UMAD1: variants seen among roughly 807,000 people sequenced by gnomAD.
The protein encoded by UMAD1 is UBAP1-MVB12-associated (UMA) domain containing 1.
Under a neutral mutation model 6.1 loss-of-function variants are expected in UMAD1, and 8 were observed. That is an observed-to-expected ratio of 1.30 (90% CI 0.76 to 2.35). The LOEUF is 2.35. UMAD1 is among the 30% of genes most tolerant of loss of function. The probability of loss-of-function intolerance (pLI) is 0.00; values close to 1 mark genes in which losing one functional copy is unlikely to be tolerated. For synonymous variants in UMAD1, 56 were observed against 31.4 expected, an observed-to-expected ratio of 1.78 and a Z score of -2.61; for missense variants, 130 against 78.4, an observed-to-expected ratio of 1.66 and a Z score of -2.49.
At chr7:7,685,844 A>G (rs1041954849) in intron 2 of UMAD1, 1 of 152,258 alleles carries the variant, frequency 6.6e-6, no homozygotes, top group Non-Finnish European at 1.5e-5. Flanking sequence ...GAAGAATAGT[A>G]TCTCATAAAA....
chr7:7,721,982 C>A (rs57496701), intron 2 of UMAD1, among the ~76,000 whole-genome samples: 1 of 152,012 alleles, frequency 6.6e-6, no homozygotes, highest in East Asian at 1.9e-4. Context: ...CTGGCTTAGC[C>A]TCCTAGCCTA....
At chr7:7,641,315 GGGAAGA>G (rs1784968094) in intron 1 of UMAD1, 1 of 152,176 alleles carries the variant, frequency 6.6e-6, no homozygotes, top group Non-Finnish European at 1.5e-5. Context: ...ATGGGTAACG[GGGAAGA>G]ACCACTGGCC....
chr7:7,755,023 G>C (rs909964818), intron 2 of UMAD1, among the ~76,000 whole-genome samples: 10 of 152,064 alleles, frequency 6.6e-5, no homozygotes, highest in Non-Finnish European at 1.3e-4. Context: ...TTAAGTGTAA[G>C]TGAGATCATG....
intron 3 of UMAD1, among the ~76,000 whole-genome samples, chr7:7,875,216 T>A (rs1359799477): frequency 6.6e-6 from 1 of 152,178 alleles, no homozygotes; most frequent in Non-Finnish European, 1.5e-5. Context: ...TTTATAGCAC[T>A]AAATGCCCAC....
chr7:7,691,734 C>T (rs1374380870), intron 2 of UMAD1, among the ~76,000 whole-genome samples: 1 of 152,030 alleles, frequency 6.6e-6, no homozygotes, highest in African/African-American at 2.4e-5. Flanking sequence ...CTGACAAATC[C>T]CTAATTTATT....
At chr7:7,696,199 G>T (rs779215498) in intron 2 of UMAD1, among the ~76,000 whole-genome samples, 1 of 150,512 alleles carries the variant, frequency 6.6e-6, no homozygotes, top group South Asian at 2.1e-4. Flanking sequence ...AGAGATGGGG[G>T]TTTTGCCATG....
At chr7:7,832,965 G>A (rs1458189131) in intron 3 of UMAD1, among the ~76,000 whole-genome samples, 1 of 152,164 alleles carries the variant, frequency 6.6e-6, no homozygotes, top group Non-Finnish European at 1.5e-5. Flanking sequence ...GAAAGTGTTT[G>A]TCTGAGCAGA....
Position 7,794,833 on chromosome 7 carries a change from A to T in UMAD1, c.83-6837A>T, listed in dbSNP as rs1782641753. 3.3e-5 allele frequency among the ~76,000 whole-genome samples: 5 copies of T among 152,190 alleles called. No individual in the cohort carries two copies. The South Asian group carries it at 1.0e-3, about 32-fold the overall frequency. On this transcript the variant is annotated intron_variant, in intron 2 of 3. Transcript: ENST00000682710. ...TAGATCTTTCCCAGATCTAGGAGAG[A>T]TGAAATGAAAGGCTGACACCTTTAA...
chr7:7,780,457 T>G (rs564213763), intron 2 of UMAD1, among the ~76,000 whole-genome samples: 1 of 152,366 alleles, frequency 6.6e-6, no homozygotes, highest in South Asian at 2.1e-4. Context: ...TTAGGGACTT[T>G]CTTTTTCCAA....
At position 7,846,766 on chromosome 7, in the gene UMAD1, C is replaced by G. The variant is rs544835144; in HGVS notation, c.157-30515C>G. Among the ~76,000 whole-genome samples the G allele has an allele frequency of 2.6e-5, 4 of 151,802 alleles. No homozygotes were observed. The South Asian group carries it at 8.3e-4, about 32-fold the overall frequency. On this transcript the variant is annotated intron_variant, in intron 3 of 3. Coordinates refer to ENST00000682710, the MANE Select transcript of UMAD1 (RefSeq NM_001302348.2). ...TAACATGGAAGTATGGAAATTGAGT[C>G]ACATAAGTTTACTTAAAAGACTTTT...
chr7:7,688,900 G>T (rs1436820623), intron 2 of UMAD1, among the ~76,000 whole-genome samples: 1 of 151,968 alleles, frequency 6.6e-6, no homozygotes, highest in South Asian at 2.1e-4. Context: ...TTCTATTAAG[G>T]TATTTTCTCC....
chr7:7,847,055 A>AT (rs1491100448), intron 3 of UMAD1, among the ~76,000 whole-genome samples: 1 of 22,726 alleles, frequency 4.4e-5, no homozygotes, highest in African/African-American at 1.5e-4. Context: ...TTAGAGTATA[A>AT]TAAAAAAAAA....
chr7:7,779,255 A>T (rs1348526712), intron 2 of UMAD1, among the ~76,000 whole-genome samples: 1 of 150,298 alleles, frequency 6.7e-6, no homozygotes, highest in African/African-American at 2.5e-5. Context: ...ATGAAAACAT[A>T]AAAATTGATA....
intron 2 of UMAD1, among the ~76,000 whole-genome samples, chr7:7,723,107 G>C (rs973259131): frequency 1.3e-5 from 2 of 152,178 alleles, no homozygotes; most frequent in Non-Finnish European, 2.9e-5. Flanking sequence ...ATCCCTGTTT[G>C]CTTCTAGAGC....
chr7:7,715,834 A>C (rs888049728), intron 2 of UMAD1, among the ~76,000 whole-genome samples: 3 of 152,226 alleles, frequency 2.0e-5, no homozygotes, highest in Non-Finnish European at 4.4e-5. Flanking sequence ...AAAATAGAAT[A>C]GCATCAAACA....
At chr7:7,823,202 T>G (rs2115298186) in intron 3 of UMAD1, among the ~76,000 whole-genome samples, 1 of 152,228 alleles carries the variant, frequency 6.6e-6, no homozygotes, top group Non-Finnish European at 1.5e-5. Context: ...TAACACTCCT[T>G]ATTACATAAA....
rs568712243 is a variant in UMAD1 at position 7,696,093 on chromosome 7, C to T, written c.82+22640C>T. Among the ~76,000 whole-genome samples, 18 of 149,972 alleles carry T rather than the reference C, an allele frequency of 1.2e-4. No individual in the cohort carries two copies. In the South Asian group the frequency reaches 3.5e-3, roughly 29 times the overall value. On this transcript the variant is annotated intron_variant, in intron 2 of 3. Transcript: ENST00000682710. ...TGATCACAGCTCACTGCAGCCTCTA[C>T]CTCCTGGGTTCAAGCGATCCTCCCA...
chr7:7,806,938 C>T (rs935590354), intron 3 of UMAD1, among the ~76,000 whole-genome samples: 3 of 152,090 alleles, frequency 2.0e-5, no homozygotes, highest in Non-Finnish European at 4.4e-5. Context: ...TTTCTAAGAA[C>T]CTTTGGAGAA....
intron 1 of UMAD1, among the ~76,000 whole-genome samples, chr7:7,665,349 A>G (rs754916316): frequency 1.1e-4 from 17 of 152,216 alleles, no homozygotes; most frequent in Non-Finnish European, 2.2e-4. Flanking sequence ...AAGTCAATAC[A>G]GTGTCCTTTT....
Sources: allele counts gnomAD v4.1 joint callset (sites outside exome capture counted in the v4.1 genomes callset), GRCh38; gene constraint gnomAD v4.1.1; transcripts MANE v1.5; gene names NCBI Gene and HGNC (gene_info 2026-07-23, HGNC 2026-07-21).